The following GLT8D2 variants were observed in gnomAD, a reference collection of about 807,000 sequenced individuals.
The protein encoded by GLT8D2 is glycosyltransferase 8 domain containing 2.
In GLT8D2, 45 loss-of-function variants were observed where a neutral mutation model predicts 44.5. The observed-to-expected ratio is 1.01, with a 90% CI of 0.80 to 1.30. The LOEUF (loss-of-function observed/expected upper bound fraction) is 1.30, where lower values mean the gene tolerates loss of function less well. Ranked by LOEUF, GLT8D2 falls within the 50% of genes most tolerant of loss-of-function variation. The pLI is 0.00. For synonymous variants in GLT8D2, 156 were observed against 157.2 expected (o/e 0.99, Z 0.06); for missense variants, 400 against 430.4 (o/e 0.93, Z 0.62).
intron 1 of GLT8D2, among the ~76,000 whole-genome samples, chr12:104,027,622 C>T (rs892002021): frequency 6.6e-6 from 1 of 152,212 alleles, no homozygotes. Context: ...ATAATCATAG[C>T]TATCATTTAT....
At chr12:104,043,708 C>G (rs1880804546) in intron 1 of GLT8D2, among the ~76,000 whole-genome samples, 1 of 152,212 alleles carries the variant, frequency 6.6e-6, no homozygotes, top group Admixed American at 6.5e-5. Context: ...CTCAGGTGAT[C>G]CACTCACCTT....
intron 1 of GLT8D2, among the ~76,000 whole-genome samples, chr12:104,023,016 T>A (rs76085114): frequency 6.6e-6 from 1 of 152,370 alleles, no homozygotes; most frequent in African/African-American, 2.4e-5. Flanking sequence ...AATTGGCCCA[T>A]GAGAACTATT....
At chr12:104,018,241 G>A (rs1248165021) in intron 3 of GLT8D2, among the ~76,000 whole-genome samples, 1 of 151,988 alleles carries the variant, frequency 6.6e-6, no homozygotes, top group Non-Finnish European at 1.5e-5. Context: ...CAAAGTGCTG[G>A]GAATACAGGC....
At chr12:103,992,167 A>G (rs1478472921) in intron 10 of GLT8D2, among the ~76,000 whole-genome samples, 1 of 152,160 alleles carries the variant, frequency 6.6e-6, no homozygotes, top group Non-Finnish European at 1.5e-5. Context: ...GTGGATGTGA[A>G]TGTGTCCTCT....
intron 1 of GLT8D2, among the ~76,000 whole-genome samples, chr12:104,032,637 C>G (rs1324941634): frequency 6.6e-6 from 1 of 152,002 alleles, no homozygotes; most frequent in Non-Finnish European, 1.5e-5. Flanking sequence ...GTTAGAATGG[C>G]TATTATCAAA....
intron 4 of GLT8D2, among the ~76,000 whole-genome samples, chr12:104,010,217 C>T (rs1170551572): frequency 6.6e-6 from 1 of 152,048 alleles, no homozygotes; most frequent in Non-Finnish European, 1.5e-5. Context: ...ACACAAGACC[C>T]CTCATGATCC....
chr12:104,014,035 C>T (rs560779082), intron 4 of GLT8D2, among the ~76,000 whole-genome samples: 4 of 152,180 alleles, frequency 2.6e-5, no homozygotes, highest in Admixed American at 6.5e-5. Flanking sequence ...GAGCCACCAT[C>T]GCCAGCCCGT....
At chr12:104,036,000 G>A (rs974401289) in intron 1 of GLT8D2, among the ~76,000 whole-genome samples, 1 of 152,222 alleles carries the variant, frequency 6.6e-6, no homozygotes, top group Admixed American at 6.5e-5. Context: ...CTAGAAGAGA[G>A]TGGGGGGCAA....
intron 1 of GLT8D2, among the ~76,000 whole-genome samples, chr12:104,034,933 G>A (rs745426368): frequency 4.6e-5 from 7 of 152,212 alleles, no homozygotes; most frequent in South Asian, 2.1e-4. Flanking sequence ...CCTCTGGGAC[G>A]AAGCTTCCAG....
At chr12:104,023,596 C>T (rs911381995) in intron 1 of GLT8D2, among the ~76,000 whole-genome samples, 1 of 152,038 alleles carries the variant, frequency 6.6e-6, no homozygotes, top group African/African-American at 2.4e-5. Context: ...TGGACTTTTA[C>T]ACATGCATAG....
At chr12:104,015,735 C>T (rs905676298) in intron 3 of GLT8D2, among the ~76,000 whole-genome samples, 13 of 152,254 alleles carry the variant, frequency 8.5e-5, no homozygotes, top group African/African-American at 3.1e-4. Context: ...GTTGTAGTGG[C>T]TCACACCTGT....
At chr12:104,021,193 C>T (rs1424595130) in intron 2 of GLT8D2, among the ~76,000 whole-genome samples, 164 bp downstream of exon 2, 2 of 152,186 alleles carry the variant, frequency 1.3e-5, no homozygotes, top group African/African-American at 4.8e-5. Flanking sequence ...AGGGAGAAAG[C>T]TATCTGTTAT....
At chr12:104,048,087 A>G (rs1235784757) in intron 1 of GLT8D2, among the ~76,000 whole-genome samples, 1 of 152,236 alleles carries the variant, frequency 6.6e-6, no homozygotes, top group Non-Finnish European at 1.5e-5. Flanking sequence ...CAGATTTTCT[A>G]TATACCAGTA....
At chr12:103,993,120 C>T (rs924533745) in intron 10 of GLT8D2, among the ~76,000 whole-genome samples, 1 of 152,150 alleles carries the variant, frequency 6.6e-6, no homozygotes, top group Non-Finnish European at 1.5e-5. Context: ...CACCTAAGGT[C>T]AGGAGTTTGA....
intron 1 of GLT8D2, among the ~76,000 whole-genome samples, chr12:104,038,069 A>G (rs1464658774): frequency 6.6e-6 from 1 of 152,262 alleles, no homozygotes; most frequent in Non-Finnish European, 1.5e-5. Context: ...ATAGATGCAG[A>G]AAAGGCCTTC....
intron 1 of GLT8D2, among the ~76,000 whole-genome samples, chr12:104,034,866 C>A (rs953198802): frequency 6.6e-6 from 1 of 152,240 alleles, no homozygotes; most frequent in Admixed American, 6.5e-5. Flanking sequence ...CCCATGTAGC[C>A]TAACTGGGAG....
intron 10 of GLT8D2, among the ~76,000 whole-genome samples, chr12:103,993,075 A>C (rs1208496472): frequency 6.6e-6 from 1 of 152,128 alleles, no homozygotes; most frequent in Non-Finnish European, 1.5e-5. Context: ...CTTATGCCGT[A>C]ATCCTAGCAC....
chr12:104,010,544 C>T (rs1875700887), intron 4 of GLT8D2, among the ~76,000 whole-genome samples: 2 of 152,166 alleles, frequency 1.3e-5, no homozygotes, highest in Admixed American at 1.3e-4. Flanking sequence ...CATGTCTTTC[C>T]TCTTTCTCCT....
chr12:104,009,959 G>T (rs890954047), intron 4 of GLT8D2, among the ~76,000 whole-genome samples: 1 of 151,834 alleles, frequency 6.6e-6, no homozygotes, highest in Admixed American at 6.6e-5. Flanking sequence ...TCAGTCTTAG[G>T]TATGTCTTTA....
Sources: gnomAD v4.1 joint callset for allele counts (sites outside exome capture counted in the v4.1 genomes callset) on GRCh38, gnomAD v4.1.1 for gene constraint, MANE v1.5 for transcripts, NCBI Gene and HGNC (gene_info 2026-07-23, HGNC 2026-07-21) for gene names.